The following RNF144A variants were observed in gnomAD, a reference collection of about 807,000 sequenced individuals.
The protein encoded by RNF144A is ring finger protein 144A.
In RNF144A, 11 loss-of-function variants were observed where a neutral mutation model predicts 38.7. The observed-to-expected ratio is 0.28, with a 90% CI of 0.18 to 0.47. The LOEUF is 0.47. RNF144A is among the 20% of genes least tolerant of loss of function. RNF144A has a pLI of 0.99. For synonymous variants in RNF144A, 149 were observed against 143.9 expected (o/e 1.04, Z -0.25); for missense variants, 316 against 377.2 (o/e 0.84, Z 1.34).
downstream of RNF144A, among the ~76,000 whole-genome samples, chr2:7,071,409 CCTT>C (rs1390580862): frequency 6.6e-6 from 1 of 152,204 alleles, no homozygotes; most frequent in Non-Finnish European, 1.5e-5. Context: ...GCAGCACGCT[CCTT>C]CTTTGGACAA....
chr2:6,931,548 A>G (rs1441314628), intron 1 of RNF144A, among the ~76,000 whole-genome samples: 1 of 152,234 alleles, frequency 6.6e-6, no homozygotes, highest in East Asian at 1.9e-4. Flanking sequence ...AAATGGAAGT[A>G]TTTGACCCAT....
chr2:7,058,795 T>C (rs1357657657), intron 6 of RNF144A, among the ~76,000 whole-genome samples: 1 of 152,214 alleles, frequency 6.6e-6, no homozygotes, highest in East Asian at 1.9e-4. Context: ...AGGTTTCTTC[T>C]CCTATTTTTG....
In RNF144A at chr2:7,040,063, A is replaced by C. The variant is rs1404566657; in HGVS notation, c.*303A>C. The C allele has an allele frequency of 9.1e-7, 1 of 1,096,098 alleles. No homozygotes were observed. Among genetic ancestry groups the C allele is most frequent in the Non-Finnish European group, 1.1e-6 (1 of 899,602 alleles). The allele number at this position is 1,096,098 out of a possible 1,614,324, so 67.9% of individuals were successfully genotyped here. A position where few individuals can be genotyped will look rare whatever the true frequency, so the allele number is the denominator to read the frequency against. Reference sequence around the variant, plus strand: ...GCTTTCTCTCTGTGGTAGACTAGGCATGTCTGGGGATGGCCTAAGAGACTT... The same window carrying C: ...GCTTTCTCTCTGTGGTAGACTAGGCCTGTCTGGGGATGGCCTAAGAGACTT... On this transcript the variant is annotated 3_prime_UTR_variant, in exon 9 of 9. Coordinates refer to ENST00000320892, the MANE Select transcript of RNF144A (RefSeq NM_014746.6).
downstream of RNF144A, among the ~76,000 whole-genome samples, chr2:7,069,361 G>T (rs1289816974): frequency 6.6e-6 from 1 of 152,208 alleles, no homozygotes; most frequent in African/African-American, 2.4e-5. Flanking sequence ...ACAAGCTTGA[G>T]CACCAGAGGG....
chr2:6,983,879 C>G (rs1246200758), intron 2 of RNF144A, among the ~76,000 whole-genome samples: 3 of 152,180 alleles, frequency 2.0e-5, no homozygotes, highest in African/African-American at 7.2e-5. Flanking sequence ...TCGGAGACAC[C>G]CTTGACTCCT....
At chr2:6,918,233 C>CG (rs2103262424) in intron 1 of RNF144A, 1 of 152,708 alleles carries the variant, frequency 6.5e-6, no homozygotes, top group East Asian at 2.0e-4. Flanking sequence ...AGCCCTTTCC[C>CG]GGGGAATGAG....
At chr2:7,004,586 A>G (rs1670320368) in intron 3 of RNF144A, among the ~76,000 whole-genome samples, 1 of 152,244 alleles carries the variant, frequency 6.6e-6, no homozygotes, top group South Asian at 2.1e-4. Flanking sequence ...TATCCTGTAC[A>G]GGAAGCGCCT....
At chr2:7,061,575 G>A (rs1223712978) in intron 6 of RNF144A, among the ~76,000 whole-genome samples, 2 of 151,928 alleles carry the variant, frequency 1.3e-5, no homozygotes, top group African/African-American at 2.4e-5. Flanking sequence ...CATTTCTACG[G>A]GCCATGTTTC....
intron 3 of RNF144A, among the ~76,000 whole-genome samples, chr2:7,003,563 G>T (rs1176470185): frequency 6.6e-6 from 1 of 152,238 alleles, no homozygotes; most frequent in Non-Finnish European, 1.5e-5. Context: ...AGAGCAATAG[G>T]CTGTGCCAGC....
At chr2:7,049,335 C>CT (rs1234813417) in intron 6 of RNF144A, among the ~76,000 whole-genome samples, 1 of 152,114 alleles carries the variant, frequency 6.6e-6, no homozygotes, top group Non-Finnish European at 1.5e-5. Context: ...TCCAAAATAA[C>CT]TAAGTCCAGG....
intron 8 of RNF144A, among the ~76,000 whole-genome samples, chr2:7,037,488 C>T (rs1672756625): frequency 6.6e-6 from 1 of 152,212 alleles, no homozygotes; most frequent in Non-Finnish European, 1.5e-5. Context: ...TGCATATCAG[C>T]GTGCACGTGA....
intron 3 of RNF144A, among the ~76,000 whole-genome samples, chr2:7,013,670 T>G (rs1274553547): frequency 6.6e-6 from 1 of 152,204 alleles, no homozygotes; most frequent in African/African-American, 2.4e-5. Context: ...TCATTGCTGT[T>G]TATAATATGC....
chr2:7,005,750 T>C (rs1032723239), intron 3 of RNF144A, among the ~76,000 whole-genome samples: 7 of 152,150 alleles, frequency 4.6e-5, no homozygotes, highest in Non-Finnish European at 8.8e-5. Context: ...TCTAAAACTT[T>C]AGCTTATTGC....
At position 7,016,104 on chromosome 2, in the gene RNF144A, TA is replaced by T. The variant is rs35418947; in HGVS notation, c.301+1350del. 1.1e-3 allele frequency among the ~76,000 whole-genome samples: 125 copies of T among 115,088 alleles called. 1 individual carries two copies. Among genetic ancestry groups the T allele is most frequent in the Middle Eastern group, 4.9e-3 (1 of 206 alleles). The allele number at this position is 115,088 out of a possible 152,430, so 75.5% of individuals were successfully genotyped here. On this transcript the variant is annotated intron_variant, in intron 5 of 8. Transcript: ENST00000320892. ...GGGCAACATATTGAGACCCCGTCTC[TA>T]AAAAAAAAAAAAAAAAAGAAAGAAA...
chr2:7,014,893 G>T (rs553221124), intron 5 of RNF144A, 121 bp downstream of exon 5: 4 of 716,258 alleles, frequency 5.6e-6, no homozygotes, highest in South Asian at 1.7e-5. Context: ...AAAAGTTGAT[G>T]TAAAATAAAC....
At chr2:6,924,231 G>A (rs532751129) in intron 1 of RNF144A, among the ~76,000 whole-genome samples, 70 of 152,336 alleles carry the variant, frequency 4.6e-4, no homozygotes, top group Middle Eastern at 3.4e-3. Flanking sequence ...CCTGGGTACC[G>A]TGGTTGTGTA....
At chr2:6,983,653 G>T (rs533931497) in intron 2 of RNF144A, among the ~76,000 whole-genome samples, 1 of 152,286 alleles carries the variant, frequency 6.6e-6, no homozygotes, top group Non-Finnish European at 1.5e-5. Flanking sequence ...GGAGTTTCCT[G>T]ACTGTTTCTG....
At chr2:7,052,096 GA>G (rs1441837001) in intron 6 of RNF144A, among the ~76,000 whole-genome samples, 1 of 152,144 alleles carries the variant, frequency 6.6e-6, no homozygotes, top group East Asian at 1.9e-4. Flanking sequence ...GCCCTGGAGA[GA>G]GGAACTCATA....
At position 7,039,792 on chromosome 2, in the gene RNF144A, T is replaced by C; in HGVS notation, c.*32T>C. 1.9e-6 allele frequency: 3 copies of C among 1,607,980 alleles called. No homozygotes were observed. The highest frequency in any genetic ancestry group is 1.7e-6 in the Non-Finnish European group (2 of 1,176,858). On this transcript the variant is annotated 3_prime_UTR_variant, in exon 9 of 9. Transcript: ENST00000320892. Reference sequence around the variant, plus strand: ...CGCGATGCTGGAACACATCCCTGCCTCCGGGAAGTGTGGCTCTCCCCCAAC... The same window carrying C: ...CGCGATGCTGGAACACATCCCTGCCCCCGGGAAGTGTGGCTCTCCCCCAAC...
Sources: gnomAD v4.1 joint callset for allele counts (sites outside exome capture counted in the v4.1 genomes callset) on GRCh38, gnomAD v4.1.1 for gene constraint, MANE v1.5 for transcripts, NCBI Gene and HGNC (gene_info 2026-07-23, HGNC 2026-07-21) for gene names.